The following ENTREP1 variants were observed in gnomAD, a reference collection of about 807,000 sequenced individuals.
ENTREP1 encodes the protein endosomal transmembrane epsin interactor 1.
At chr9:69,370,135 C>A in the ENTREP1 span, among the ~76,000 whole-genome samples, 2 of 151,788 alleles carry the variant, frequency 1.3e-5, no homozygotes, top group African/African-American at 4.8e-5. Flanking sequence ...TTTTTATTGG[C>A]GTACTGATGG....
chr9:69,387,927 T>G, the ENTREP1 span: 1 of 1,478,446 alleles, frequency 6.8e-7, no homozygotes, highest in Non-Finnish European at 9.1e-7. Flanking sequence ...GGGGGTGGTG[T>G]CGTACATGAC....
the ENTREP1 span, among the ~76,000 whole-genome samples, chr9:69,343,249 G>T: frequency 6.6e-6 from 1 of 152,228 alleles, no homozygotes; most frequent in African/African-American, 2.4e-5. Flanking sequence ...AACAGAGTGT[G>T]TGAACAATGT....
chr9:69,349,894 A>G, the ENTREP1 span, among the ~76,000 whole-genome samples: 1 of 152,214 alleles, frequency 6.6e-6, no homozygotes, highest in Non-Finnish European at 1.5e-5. Flanking sequence ...GAGTAGTTTA[A>G]TGGGTATTTG....
At chr9:69,360,294 C>T in the ENTREP1 span, among the ~76,000 whole-genome samples, 1 of 152,144 alleles carries the variant, frequency 6.6e-6, no homozygotes, top group Non-Finnish European at 1.5e-5. Flanking sequence ...AACCAATTTC[C>T]AAAGGCAATC....
chr9:69,391,146 A>T, the ENTREP1 span, among the ~76,000 whole-genome samples: 2 of 152,120 alleles, frequency 1.3e-5, no homozygotes, highest in South Asian at 4.1e-4. Flanking sequence ...TCTTACTTGG[A>T]TTCTTGTTAA....
the ENTREP1 span, among the ~76,000 whole-genome samples, chr9:69,341,325 C>G: frequency 2.0e-5 from 3 of 152,118 alleles, no homozygotes; most frequent in Non-Finnish European, 4.4e-5. Flanking sequence ...CCAACTGTGG[C>G]TCCTGTTGAT....
chr9:69,340,306 A>G, the ENTREP1 span, among the ~76,000 whole-genome samples: 1 of 152,140 alleles, frequency 6.6e-6, no homozygotes, highest in Non-Finnish European at 1.5e-5. Flanking sequence ...ACACATGGAT[A>G]TTCCCTTTTG....
chr9:69,392,077 C>T, the ENTREP1 span: 27 of 499,042 alleles, frequency 5.4e-5, no homozygotes, highest in South Asian at 7.0e-4. Flanking sequence ...TCCCAAGGGT[C>T]ACATGCCCTG....
chr9:69,330,584 G>A, the ENTREP1 span, among the ~76,000 whole-genome samples: 9 of 152,196 alleles, frequency 5.9e-5, no homozygotes, highest in South Asian at 4.1e-4. Flanking sequence ...TGGACTAAAC[G>A]AAAAACTAAC....
the ENTREP1 span, chr9:69,329,777 T>TGTTAACTAGATTCCACTGCGGTATGGGA: frequency 2.8e-6 from 1 of 361,426 alleles, no homozygotes; most frequent in East Asian, 1.7e-4. Flanking sequence ...GTGCGTTTAG[T>TGTTAACTAGATTCCACTGCGGTATGGGA]GTTAACTAGA....
the ENTREP1 span, chr9:69,325,664 C>T: frequency 2.4e-6 from 3 of 1,231,548 alleles, no homozygotes; most frequent in Non-Finnish European, 3.0e-6. Flanking sequence ...CTTCGGGGCG[C>T]TGTCGCTGAG....
At chr9:69,383,765 G>A in the ENTREP1 span, 11 of 1,613,988 alleles carry the variant, frequency 6.8e-6, no homozygotes, top group East Asian at 2.5e-4. Flanking sequence ...AGCAGGTACT[G>A]TCTGTCCTGA....
At chr9:69,387,850 C>G in the ENTREP1 span, 1 of 1,259,614 alleles carries the variant, frequency 7.9e-7, no homozygotes, top group South Asian at 1.5e-5. Flanking sequence ...TTTGTCATAC[C>G]CCATGAAACT....
the ENTREP1 span, among the ~76,000 whole-genome samples, chr9:69,366,811 A>G: frequency 6.6e-6 from 1 of 151,922 alleles, no homozygotes; most frequent in Non-Finnish European, 1.5e-5. Flanking sequence ...TCTCCAATGT[A>G]TGTTCTTGGT....
the ENTREP1 span, among the ~76,000 whole-genome samples, chr9:69,334,775 CTT>C: frequency 4.8e-3 from 627 of 130,550 alleles, 3 homozygotes; most frequent in African/African-American, 0.016. Flanking sequence ...CTTTCCTTTT[CTT>C]TTTTTTTTTT....
chr9:69,374,613 T>C, the ENTREP1 span, among the ~76,000 whole-genome samples: 1 of 152,126 alleles, frequency 6.6e-6, no homozygotes, highest in Non-Finnish European at 1.5e-5. Context: ...TAATTTGTAG[T>C]TCCCTGAGTG....
chr9:69,375,895 A>G, the ENTREP1 span: 603 of 1,603,644 alleles, frequency 3.8e-4, 3 homozygotes, highest in East Asian at 9.1e-3. Flanking sequence ...CCCGCACGGT[A>G]AATACACCAC....
the ENTREP1 span, among the ~76,000 whole-genome samples, chr9:69,354,042 C>T: frequency 6.6e-6 from 1 of 152,100 alleles, no homozygotes; most frequent in African/African-American, 2.4e-5. Context: ...AAATAAATTT[C>T]AGCCTTGACA....
chr9:69,346,447 A>G, the ENTREP1 span, among the ~76,000 whole-genome samples: 2 of 152,062 alleles, frequency 1.3e-5, no homozygotes, highest in African/African-American at 4.8e-5. Context: ...TGTTGTAGAT[A>G]ATATTGTAAG....
Sources: gnomAD v4.1 joint callset for allele counts (sites outside exome capture counted in the v4.1 genomes callset) on GRCh38, gnomAD v4.1.1 for gene constraint, MANE v1.5 for transcripts, NCBI Gene and HGNC (gene_info 2026-07-23, HGNC 2026-07-21) for gene names.